Variants in PDCD1LG2 observed in about 807,000 individuals in gnomAD.
PDCD1LG2 encodes the protein programmed cell death 1 ligand 2.
PDCD1LG2 carries 32 observed loss-of-function variants against 28.2 expected under a neutral mutation model. That is an observed-to-expected ratio of 1.13 (90% confidence interval 0.86 to 1.52). The LOEUF (loss-of-function observed/expected upper bound fraction) is 1.52. Ranked by LOEUF, PDCD1LG2 falls within the 40% of genes most tolerant of loss-of-function variation. The pLI is 0.00. For missense variants in PDCD1LG2, 385 were observed against 323.8 expected (o/e 1.19, Z -1.45); for synonymous variants, 116 against 120.2 (o/e 0.97, Z 0.23).
intron 1 of PDCD1LG2, among the ~76,000 whole-genome samples, chr9:5,521,167 T>C (rs1820266470): frequency 6.6e-6 from 1 of 152,098 alleles, no homozygotes; most frequent in Non-Finnish European, 1.5e-5. Flanking sequence ...AATAAGCAAT[T>C]GATAGAGACA....
chr9:5,512,445 G>A (rs1820079795), intron 1 of PDCD1LG2, among the ~76,000 whole-genome samples: 1 of 152,112 alleles, frequency 6.6e-6, no homozygotes, highest in African/African-American at 2.4e-5. Context: ...CCTGCTTTGA[G>A]GGATTTTCCT....
At chr9:5,524,757 T>C (rs2129737639) in intron 2 of PDCD1LG2, among the ~76,000 whole-genome samples, 1 of 152,282 alleles carries the variant, frequency 6.6e-6, no homozygotes, top group Middle Eastern at 3.4e-3. Flanking sequence ...TTCAGGTTTT[T>C]GTTTTTTACA....
intron 6 of PDCD1LG2, among the ~76,000 whole-genome samples, chr9:5,564,733 C>T (rs1296078998): frequency 2.0e-5 from 3 of 152,184 alleles, no homozygotes; most frequent in Non-Finnish European, 4.4e-5. Flanking sequence ...TAAGCCAACT[C>T]ATCTACCACT....
intron 6 of PDCD1LG2, among the ~76,000 whole-genome samples, chr9:5,565,815 TTTTG>T (rs1816655408): frequency 2.6e-5 from 4 of 152,242 alleles, no homozygotes; most frequent in Admixed American, 2.0e-4. Flanking sequence ...TTAAAATAAA[TTTTG>T]TTTAATTTTA....
intron 3 of PDCD1LG2, among the ~76,000 whole-genome samples, chr9:5,542,756 G>A (rs1393508973): frequency 4.6e-5 from 7 of 152,126 alleles, no homozygotes; most frequent in Admixed American, 1.3e-4. Context: ...CAACCACTAT[G>A]GAAAACAGTG....
At chr9:5,529,854 C>T (rs758371285) in intron 2 of PDCD1LG2, among the ~76,000 whole-genome samples, 10 of 152,234 alleles carry the variant, frequency 6.6e-5, no homozygotes, top group East Asian at 3.9e-4. Flanking sequence ...GATTTCTATG[C>T]GAAGACATGT....
At chr9:5,524,313 C>A (rs540626795) in intron 2 of PDCD1LG2, among the ~76,000 whole-genome samples, 2 of 152,270 alleles carry the variant, frequency 1.3e-5, no homozygotes, top group Admixed American at 1.3e-4. Flanking sequence ...AATCTTCCAA[C>A]TTTGGAATAG....
chr9:5,537,419 A>AATT (rs1259987406), intron 3 of PDCD1LG2, among the ~76,000 whole-genome samples: 19 of 152,238 alleles, frequency 1.2e-4, no homozygotes, highest in Admixed American at 1.1e-3. Context: ...CATGTTTAAT[A>AATT]ATTATCAATA....
Position 5,570,032 on chromosome 9 carries a change from G to A in PDCD1LG2, c.*73G>A, listed in dbSNP as rs759170963. ...GCTTCTGGACTCTGAACAAGAATTCGGTGGCCTGCAGAGCTTGCCATTTGC... is the reference window on the plus strand; with the variant it reads ...GCTTCTGGACTCTGAACAAGAATTCAGTGGCCTGCAGAGCTTGCCATTTGC... On this transcript the variant is annotated 3_prime_UTR_variant, in exon 7 of 7. Coordinates refer to ENST00000397747, the MANE Select transcript of PDCD1LG2 (RefSeq NM_025239.4). 9 of 1,599,844 alleles carry A rather than the reference G, an allele frequency of 5.6e-6. No individual in the cohort carries two copies. Among genetic ancestry groups the A allele is most frequent in the African/African-American group, 5.4e-5 (4 of 74,464 alleles).
At chr9:5,515,854 C>A (rs769518292) in intron 1 of PDCD1LG2, among the ~76,000 whole-genome samples, 3 of 120,814 alleles carry the variant, frequency 2.5e-5, no homozygotes, top group African/African-American at 9.5e-5. Context: ...ACCCGGGAGG[C>A]GGAGGATGCA....
At chr9:5,556,369 G>C (rs1816442386) in intron 4 of PDCD1LG2, among the ~76,000 whole-genome samples, 1 of 151,702 alleles carries the variant, frequency 6.6e-6, no homozygotes, top group Admixed American at 6.5e-5. Context: ...GATGAGCAAG[G>C]CTCCTTATCT....
intron 4 of PDCD1LG2, among the ~76,000 whole-genome samples, chr9:5,552,130 T>C (rs1356553562): frequency 2.0e-5 from 3 of 152,210 alleles, no homozygotes; most frequent in African/African-American, 7.2e-5. Context: ...CAAATATCTT[T>C]TCATTATCAC....
chr9:5,525,280 G>T (rs1820350336), intron 2 of PDCD1LG2, among the ~76,000 whole-genome samples: 1 of 151,400 alleles, frequency 6.6e-6, no homozygotes, highest in African/African-American at 2.4e-5. Flanking sequence ...AGGAGGCAGA[G>T]GTTGCAGTGA....
intron 2 of PDCD1LG2, among the ~76,000 whole-genome samples, chr9:5,527,624 T>C (rs1268501717): frequency 1.3e-5 from 2 of 152,236 alleles, no homozygotes; most frequent in Admixed American, 6.5e-5. Flanking sequence ...TATTTGCATA[T>C]AGGTTTTTTT....
At position 5,570,312 on chromosome 9, in the gene PDCD1LG2, C is replaced by G. The variant is rs1283012231; in HGVS notation, c.*353C>G. ...TCCCCTCAAGTTTTCTAAGTGATTT[C>G]CAAAAGCAGAGGTGTGTGGAAATTT... is the stretch of plus-strand genomic sequence containing the variant. On this transcript the variant is annotated 3_prime_UTR_variant, in exon 7 of 7. Transcript: ENST00000397747. The G allele has an allele frequency of 1.4e-5, 4 of 276,610 alleles. No individual in the cohort carries two copies. Among genetic ancestry groups the G allele is most frequent in the Non-Finnish European group, 2.8e-5 (4 of 145,318 alleles). The allele number at this position is 276,610 out of a possible 1,614,324, so 17.1% of individuals were successfully genotyped here.
chr9:5,518,509 A>C (rs1441314496), intron 1 of PDCD1LG2, among the ~76,000 whole-genome samples: 1 of 152,254 alleles, frequency 6.6e-6, no homozygotes, highest in Admixed American at 6.5e-5. Context: ...GGTGCAGCTT[A>C]AGATGATACC....
intron 5 of PDCD1LG2, among the ~76,000 whole-genome samples, chr9:5,562,474 T>C (rs1054848171): frequency 6.6e-6 from 1 of 152,108 alleles, no homozygotes; most frequent in Non-Finnish European, 1.5e-5. Context: ...ATAATGGGCA[T>C]GGGAGACTCA....
intron 2 of PDCD1LG2, among the ~76,000 whole-genome samples, chr9:5,532,987 T>G (rs371718638): frequency 6.6e-6 from 1 of 152,216 alleles, no homozygotes; most frequent in Non-Finnish European, 1.5e-5. Flanking sequence ...AAAGGACTCC[T>G]AATCCTGAGT....
chr9:5,535,401 A>G (rs983626856), intron 3 of PDCD1LG2, among the ~76,000 whole-genome samples: 1 of 152,144 alleles, frequency 6.6e-6, no homozygotes, highest in African/African-American at 2.4e-5. Context: ...CTCTTTTTCA[A>G]TAGTTTATAC....
Sources: allele counts gnomAD v4.1 joint callset (sites outside exome capture counted in the v4.1 genomes callset), GRCh38; gene constraint gnomAD v4.1.1; transcripts MANE v1.5; gene names NCBI Gene and HGNC (gene_info 2026-07-23, HGNC 2026-07-21).